COMMD10: variants seen among roughly 807,000 people sequenced by gnomAD.
COMMD10 encodes COMM domain containing 10.
In COMMD10, 33 loss-of-function variants were observed where a neutral mutation model predicts 28.9. That is an observed-to-expected ratio of 1.14 (90% CI 0.87 to 1.53). The LOEUF is 1.53. COMMD10 is among the 40% of genes most tolerant of loss of function. COMMD10 has a pLI of 0.00. For synonymous variants in COMMD10, 110 were observed against 81.7 expected (o/e 1.35, Z -1.87); for missense variants, 310 against 233.4 (o/e 1.33, Z -2.14).
At chr5:116,197,550 T>C (rs1033191830) in intron 5 of COMMD10, among the ~76,000 whole-genome samples, 1 of 151,846 alleles carries the variant, frequency 6.6e-6, no homozygotes, top group Non-Finnish European at 1.5e-5. Flanking sequence ...CTAATTTTTA[T>C]TTTATTTTAT....
intron 5 of COMMD10, among the ~76,000 whole-genome samples, chr5:116,151,134 T>C (rs1161140098): frequency 6.6e-6 from 1 of 152,104 alleles, no homozygotes; most frequent in Non-Finnish European, 1.5e-5. Context: ...TTTTTGTTTT[T>C]GCTTCTGTTT....
At chr5:116,118,315 C>A (rs1751309288) in intron 4 of COMMD10, among the ~76,000 whole-genome samples, 1 of 152,106 alleles carries the variant, frequency 6.6e-6, no homozygotes, top group African/African-American at 2.4e-5. Context: ...TCTGTCTCTA[C>A]CACCAGAATA....
chr5:116,152,636 G>A (rs769865482), intron 5 of COMMD10, among the ~76,000 whole-genome samples: 9 of 152,034 alleles, frequency 5.9e-5, no homozygotes, highest in Non-Finnish European at 1.0e-4. Flanking sequence ...TAGAATAAGA[G>A]AATAAAACAT....
At chr5:116,290,429 T>G (rs899694062) in intron 5 of COMMD10, among the ~76,000 whole-genome samples, 1 of 151,846 alleles carries the variant, frequency 6.6e-6, no homozygotes, top group Non-Finnish European at 1.5e-5. Flanking sequence ...TCCTGTACAC[T>G]TAGCTTCATG....
chr5:116,188,714 C>A (rs534601681), intron 5 of COMMD10, among the ~76,000 whole-genome samples: 4 of 148,130 alleles, frequency 2.7e-5, no homozygotes, highest in East Asian at 4.1e-4. Context: ...GGCTCAGCTT[C>A]CACCTCCCGG....
At chr5:116,102,729 C>T (rs1750705113) in intron 4 of COMMD10, among the ~76,000 whole-genome samples, 1 of 152,074 alleles carries the variant, frequency 6.6e-6, no homozygotes, top group Non-Finnish European at 1.5e-5. Flanking sequence ...AGGTTTGTTA[C>T]ATAGGTATAC....
chr5:116,209,583 G>A (rs759961494), intron 5 of COMMD10, among the ~76,000 whole-genome samples: 9 of 152,042 alleles, frequency 5.9e-5, no homozygotes, highest in Non-Finnish European at 1.2e-4. Flanking sequence ...TGGTACTACT[G>A]AACTGAACCC....
chr5:116,092,686 C>T lies in COMMD10; in HGVS notation c.385C>T (p.Leu129=). 3 of 1,606,414 alleles carry T rather than the reference C, an allele frequency of 1.9e-6. No homozygotes were observed. The highest frequency in any genetic ancestry group is 2.6e-6 in the Non-Finnish European group (3 of 1,176,216). The change falls in exon 4 of 7, where the codon CTG becomes TTG. Residue 129 remains leucine, a synonymous_variant. Coordinates refer to ENST00000274458, the MANE Select transcript of COMMD10 (RefSeq NM_016144.4). ...ETVEKFRQRI[L]APCKLETVGW... is the part of the protein sequence containing the mutation. ...AGTTGAAAAGTTCCGGCAGAGAATT[C>T]TGGCTCCCTGTAAGGTATAGAACAT...
rs185936500 is a variant in COMMD10 at position 116,229,907 on chromosome 5, G to A, written c.511-61610G>A. On this transcript the variant is annotated intron_variant, in intron 5 of 6. Coordinates refer to ENST00000274458, the MANE Select transcript of COMMD10 (RefSeq NM_016144.4). ...TAAAATATCCTTTATTTTATTTATC[G>A]TCCTTTATTTAGACCACCTAAAAAC... Among the ~76,000 whole-genome samples, 60 of 150,496 alleles carry A rather than the reference G, an allele frequency of 4.0e-4. 1 individual carries two copies. The East Asian group carries it at 0.011, about 27-fold the overall frequency.
intron 4 of COMMD10, among the ~76,000 whole-genome samples, chr5:116,111,842 G>T (rs146800149): frequency 7.2e-5 from 11 of 152,250 alleles, no homozygotes; most frequent in African/African-American, 2.4e-4. Flanking sequence ...ATGTCTCAGT[G>T]AGCTGTCTAA....
chr5:116,247,800 T>C (rs913287406), intron 5 of COMMD10, among the ~76,000 whole-genome samples: 7 of 151,816 alleles, frequency 4.6e-5, no homozygotes, highest in Non-Finnish European at 8.8e-5. Flanking sequence ...ACACAAACTC[T>C]GGGGTCTATT....
Position 116,260,963 on chromosome 5 carries a change from CAG to C in COMMD10, c.511-30552_511-30551del, listed in dbSNP as rs527729316. Among the ~76,000 whole-genome samples, 13 of 151,826 alleles carry C rather than the reference CAG, an allele frequency of 8.6e-5. No individual in the cohort carries two copies. In the South Asian group the frequency reaches 2.5e-3, roughly 29 times the overall value. On this transcript the variant is annotated intron_variant, in intron 5 of 6. Coordinates refer to ENST00000274458, the MANE Select transcript of COMMD10 (RefSeq NM_016144.4). ...CTTTGTGAATGTTGAAAATTACTAA[CAG>C]ATCTGTGCGATTGGTTTTGTATGCC...
intron 5 of COMMD10, among the ~76,000 whole-genome samples, chr5:116,150,337 C>G (rs887704087): frequency 1.3e-5 from 2 of 152,066 alleles, no homozygotes; most frequent in Non-Finnish European, 1.5e-5. Context: ...CTTGGCAATG[C>G]GGGCTCTTTT....
In COMMD10 at chr5:116,292,749, C is replaced by T. The variant is rs1025209018; in HGVS notation, c.*260C>T. 2 of 412,404 alleles carry T rather than the reference C, an allele frequency of 4.8e-6. No homozygotes were observed. The highest frequency in any genetic ancestry group is 2.0e-4 in the South Asian group (2 of 9,988). The allele number at this position is 412,404 out of a possible 1,614,324, so 25.5% of individuals were successfully genotyped here. On this transcript the variant is annotated 3_prime_UTR_variant, in exon 7 of 7. Coordinates refer to ENST00000274458, the MANE Select transcript of COMMD10 (RefSeq NM_016144.4). ...CTTTAAAGGAAACAAAAGTGAATAC[C>T]ATATTGTTTTTACTGTCATAGTGTT...
At chr5:116,173,237 G>A (rs894911662) in intron 5 of COMMD10, among the ~76,000 whole-genome samples, 1 of 152,058 alleles carries the variant, frequency 6.6e-6, no homozygotes, top group African/African-American at 2.4e-5. Context: ...TTAAACAGCA[G>A]TTCTTGGAAA....
At chr5:116,278,312 A>C (rs991607311) in intron 5 of COMMD10, among the ~76,000 whole-genome samples, 1 of 151,794 alleles carries the variant, frequency 6.6e-6, no homozygotes, top group African/African-American at 2.4e-5. Context: ...ATATTCAGCA[A>C]CCATAGCTAA....
intron 5 of COMMD10, among the ~76,000 whole-genome samples, chr5:116,143,368 T>G (rs1278878343): frequency 6.6e-6 from 1 of 151,750 alleles, no homozygotes; most frequent in Non-Finnish European, 1.5e-5. Flanking sequence ...AGTATTTATG[T>G]GGAGAAAATG....
At chr5:116,125,006 T>C (rs1751575948) in intron 4 of COMMD10, among the ~76,000 whole-genome samples, 1 of 151,262 alleles carries the variant, frequency 6.6e-6, no homozygotes, top group East Asian at 1.9e-4. Context: ...CTGTTGAGTG[T>C]CTTGTGTCAG....
intron 5 of COMMD10, among the ~76,000 whole-genome samples, chr5:116,151,069 GC>G (rs1752509910): frequency 6.6e-6 from 1 of 151,534 alleles, no homozygotes; most frequent in Non-Finnish European, 1.5e-5. Flanking sequence ...TTGGCATGAA[GC>G]GTTGTTGAAT....
Sources: allele counts gnomAD v4.1 joint callset (sites outside exome capture counted in the v4.1 genomes callset), GRCh38; gene constraint gnomAD v4.1.1; transcripts MANE v1.5; gene names NCBI Gene and HGNC (gene_info 2026-07-23, HGNC 2026-07-21).